Variants in PPARGC1A observed in about 807,000 individuals in gnomAD.
PPARGC1A encodes PPARG coactivator 1 alpha, also known as peroxisome proliferator-activated receptor gamma coactivator 1-alpha.
PPARGC1A carries 25 observed loss-of-function variants against 88.7 expected under a neutral mutation model. The ratio of observed to expected loss-of-function variants is 0.28; its 90% CI spans 0.21 to 0.39. The LOEUF (loss-of-function observed/expected upper bound fraction) is 0.39, where lower values mean the gene tolerates loss of function less well. Among genes scored for constraint, PPARGC1A ranks in the 10% least tolerant of loss-of-function variants. PPARGC1A has a pLI of 1.00. For missense variants in PPARGC1A, 880 were observed against 968.7 expected (o/e 0.91, Z 1.22); for synonymous variants, 363 against 355.6 (o/e 1.02, Z -0.24).
the PPARGC1A span, among the ~76,000 whole-genome samples, chr4:24,231,144 A>G: frequency 6.6e-6 from 1 of 152,036 alleles, no homozygotes; most frequent in African/African-American, 2.4e-5. Flanking sequence ...ATCAAAGTCC[A>G]TTGCCCAAAA....
At chr4:24,008,946 A>G in the PPARGC1A span, among the ~76,000 whole-genome samples, 1 of 152,028 alleles carries the variant, frequency 6.6e-6, no homozygotes. Context: ...CGCGGTTTAT[A>G]TATCTTAAAT....
chr4:24,221,506 C>T, the PPARGC1A span, among the ~76,000 whole-genome samples: 5 of 152,118 alleles, frequency 3.3e-5, no homozygotes, highest in Non-Finnish European at 5.9e-5. Context: ...TGAATTAACT[C>T]CCAAACAAAA....
the PPARGC1A span, among the ~76,000 whole-genome samples, chr4:24,258,828 C>T: frequency 6.6e-6 from 1 of 152,174 alleles, no homozygotes. Context: ...TAGGACATCC[C>T]ATCCTTTCTA....
chr4:23,868,386 T>C (rs2148751255), intron 2 of PPARGC1A, among the ~76,000 whole-genome samples: 1 of 152,288 alleles, frequency 6.6e-6, no homozygotes, highest in East Asian at 1.9e-4. Flanking sequence ...CTTGGATATG[T>C]CTTATTTTTA....
At chr4:23,932,757 T>C in the PPARGC1A span, among the ~76,000 whole-genome samples, 1 of 152,096 alleles carries the variant, frequency 6.6e-6, no homozygotes, top group Non-Finnish European at 1.5e-5. Flanking sequence ...AGAATTCCAG[T>C]TGGAAGGAGG....
the PPARGC1A span, among the ~76,000 whole-genome samples, chr4:24,047,303 C>T: frequency 6.6e-6 from 1 of 152,160 alleles, no homozygotes; most frequent in Non-Finnish European, 1.5e-5. Context: ...TTCTCATTGC[C>T]ACTAGAAATT....
chr4:24,428,875 C>T, the PPARGC1A span, among the ~76,000 whole-genome samples: 1 of 152,130 alleles, frequency 6.6e-6, no homozygotes, highest in Admixed American at 6.5e-5. Context: ...AAGCCTCAGG[C>T]CATGGGATAA....
intron 2 of PPARGC1A, among the ~76,000 whole-genome samples, chr4:23,832,939 C>G (rs1017727866): frequency 6.6e-6 from 1 of 152,054 alleles, no homozygotes; most frequent in African/African-American, 2.4e-5. Flanking sequence ...AATAGTGGCT[C>G]CTGCAAATAT....
chr4:23,840,029 AC>A (rs1415399694), intron 2 of PPARGC1A, among the ~76,000 whole-genome samples: 1 of 151,960 alleles, frequency 6.6e-6, no homozygotes. Flanking sequence ...CCATTTGCCA[AC>A]CCATCTCAAT....
the PPARGC1A span, among the ~76,000 whole-genome samples, chr4:24,058,672 C>G: frequency 6.6e-6 from 1 of 152,190 alleles, no homozygotes; most frequent in African/African-American, 2.4e-5. Flanking sequence ...CATGGCTAGG[C>G]AGTGTGGCTC....
At chr4:23,855,691 T>C (rs1577527354) in intron 2 of PPARGC1A, among the ~76,000 whole-genome samples, 1 of 152,234 alleles carries the variant, frequency 6.6e-6, no homozygotes, top group Non-Finnish European at 1.5e-5. Context: ...TAGCTTCTCA[T>C]CCCATGGGAG....
chr4:24,390,092 T>C, the PPARGC1A span, among the ~76,000 whole-genome samples: 1 of 16,928 alleles, frequency 5.9e-5, no homozygotes, highest in African/African-American at 1.0e-4. Flanking sequence ...AGAAAATGAC[T>C]GAAAGAAAAT....
At chr4:24,456,316 A>C in the PPARGC1A span, among the ~76,000 whole-genome samples, 1 of 152,192 alleles carries the variant, frequency 6.6e-6, no homozygotes, top group African/African-American at 2.4e-5. Flanking sequence ...AGATTTCCAG[A>C]TATGAGACAA....
chr4:24,401,831 G>A, the PPARGC1A span, among the ~76,000 whole-genome samples: 3 of 152,216 alleles, frequency 2.0e-5, no homozygotes, highest in Admixed American at 6.5e-5. Flanking sequence ...TACATGTGAA[G>A]TGCCTGGAAC....
the PPARGC1A span, among the ~76,000 whole-genome samples, chr4:24,425,150 T>A: frequency 6.6e-6 from 1 of 152,186 alleles, no homozygotes; most frequent in African/African-American, 2.4e-5. Flanking sequence ...AAGAATCACA[T>A]GGAATGCAAC....
intron 2 of PPARGC1A, among the ~76,000 whole-genome samples, chr4:23,868,837 C>T (rs1712636134): frequency 6.6e-6 from 1 of 152,204 alleles, no homozygotes; most frequent in Non-Finnish European, 1.5e-5. Context: ...GAAATGGTGT[C>T]TATGGAAAGT....
the PPARGC1A span, among the ~76,000 whole-genome samples, chr4:24,037,083 T>C: frequency 6.6e-6 from 1 of 152,224 alleles, no homozygotes; most frequent in Non-Finnish European, 1.5e-5. Flanking sequence ...TTGGGAGTCC[T>C]GCTAAGCAGT....
chr4:24,365,957 G>T, the PPARGC1A span, among the ~76,000 whole-genome samples: 7 of 152,132 alleles, frequency 4.6e-5, no homozygotes, highest in Non-Finnish European at 7.3e-5. Context: ...CACTTAGTAT[G>T]CTAGGCTTCC....
At chr4:24,261,111 A>T in the PPARGC1A span, among the ~76,000 whole-genome samples, 1 of 151,676 alleles carries the variant, frequency 6.6e-6, no homozygotes. Flanking sequence ...ACACCACATC[A>T]CCCCACCCCT....
Sources: allele counts gnomAD v4.1 joint callset (sites outside exome capture counted in the v4.1 genomes callset), GRCh38; gene constraint gnomAD v4.1.1; transcripts MANE v1.5; gene names NCBI Gene and HGNC (gene_info 2026-07-23, HGNC 2026-07-21).